The following SORCS1 variants were observed in gnomAD, a reference collection of about 807,000 sequenced individuals.
SORCS1 encodes sortilin related VPS10 domain containing receptor 1, also known as VPS10 domain-containing receptor SorCS1.
SORCS1 carries 60 observed loss-of-function variants against 146.1 expected under a neutral mutation model. That is an observed-to-expected ratio of 0.41 (90% CI 0.33 to 0.51). The LOEUF (loss-of-function observed/expected upper bound fraction) is 0.51. Ranked by LOEUF, SORCS1 falls within the 20% of genes least tolerant of loss-of-function variation. The probability of loss-of-function intolerance (pLI) is 0.21; values close to 1 mark genes in which losing one functional copy is unlikely to be tolerated. For synonymous variants in SORCS1, 637 were observed against 584.0 expected (o/e 1.09, Z -1.31); for missense variants, 1,352 against 1,487.6 (o/e 0.91, Z 1.50).
chr10:106,851,540 C>A (rs956277122), intron 2 of SORCS1, among the ~76,000 whole-genome samples: 1 of 152,206 alleles, frequency 6.6e-6, no homozygotes, highest in African/African-American at 2.4e-5. Flanking sequence ...TCTGGGCTCT[C>A]TACTCTGTTC....
intron 3 of SORCS1, among the ~76,000 whole-genome samples, chr10:106,802,247 T>C (rs1177061878): frequency 6.6e-6 from 1 of 152,134 alleles, no homozygotes; most frequent in Non-Finnish European, 1.5e-5. Flanking sequence ...ATGAGAGTGA[T>C]AAGGTGAGCC....
At chr10:106,874,930 CTGCTTGTTT>C (rs1429659992) in intron 2 of SORCS1, among the ~76,000 whole-genome samples, 7 of 152,080 alleles carry the variant, frequency 4.6e-5, no homozygotes, top group African/African-American at 1.4e-4. Flanking sequence ...TGTGTTTTTT[CTGCTTGTTT>C]TGCTTTGTTT....
chr10:106,979,771 A>G (rs1187090928), intron 1 of SORCS1, among the ~76,000 whole-genome samples: 1 of 152,154 alleles, frequency 6.6e-6, no homozygotes, highest in Admixed American at 6.5e-5. Flanking sequence ...GCTGATTTCA[A>G]TGAATACGCT....
intron 5 of SORCS1, among the ~76,000 whole-genome samples, chr10:106,751,472 C>T (rs1185225481): frequency 1.3e-5 from 2 of 152,156 alleles, no homozygotes; most frequent in African/African-American, 4.8e-5. Context: ...CTGTCAAAAT[C>T]AGCAGTAAAG....
intron 1 of SORCS1, among the ~76,000 whole-genome samples, chr10:106,972,422 G>T (rs1395799272): frequency 6.6e-6 from 1 of 150,954 alleles, no homozygotes; most frequent in Non-Finnish European, 1.5e-5. Context: ...CTTCTAACTG[G>T]ATTATCACTA....
chr10:107,143,839 A>T (rs1011336998), intron 1 of SORCS1, among the ~76,000 whole-genome samples: 1 of 151,406 alleles, frequency 6.6e-6, no homozygotes, highest in Non-Finnish European at 1.5e-5. Flanking sequence ...ATGAGGTTTC[A>T]CCATATTACC....
At chr10:107,096,372 A>T (rs1225395155) in intron 1 of SORCS1, among the ~76,000 whole-genome samples, 1 of 152,218 alleles carries the variant, frequency 6.6e-6, no homozygotes, top group Non-Finnish European at 1.5e-5. Context: ...TATGACTTTC[A>T]ACTTCTTTCA....
At position 106,840,842 on chromosome 10, in the gene SORCS1, TA is replaced by T. The variant is rs201647823; in HGVS notation, c.627-11170del. Among the ~76,000 whole-genome samples, 321 of 122,840 alleles carry T rather than the reference TA, an allele frequency of 2.6e-3. 7 individuals carry two copies. Among genetic ancestry groups the T allele is most frequent in the African/African-American group, 5.2e-3 (152 of 28,966 alleles). The allele number at this position is 122,840 out of a possible 152,430, so 80.6% of individuals were successfully genotyped here. A position where few individuals can be genotyped will look rare whatever the true frequency, so the allele number is the denominator to read the frequency against. ...AATAATTCACATTTTTTAGTTATATTATATATATATATATATATATATTTTT... is the reference window on the plus strand; with the variant it reads ...AATAATTCACATTTTTTAGTTATATTTATATATATATATATATATATTTTT... On this transcript the variant is annotated intron_variant, in intron 2 of 25. Coordinates refer to ENST00000263054, the MANE Select transcript of SORCS1 (RefSeq NM_052918.5).
chr10:106,902,510 A>G (rs1951748882), intron 2 of SORCS1, among the ~76,000 whole-genome samples: 1 of 152,208 alleles, frequency 6.6e-6, no homozygotes, highest in African/African-American at 2.4e-5. Context: ...ATGAGAAAAT[A>G]ATATAGAGAG....
At chr10:107,154,793 T>G (rs1338917604) in intron 1 of SORCS1, among the ~76,000 whole-genome samples, 2 of 152,212 alleles carry the variant, frequency 1.3e-5, no homozygotes, top group East Asian at 1.9e-4. Flanking sequence ...TAACCCTTAT[T>G]GATGATTTAG....
chr10:107,164,762 T>A (rs1969987448), upstream of SORCS1, among the ~76,000 whole-genome samples: 2 of 149,236 alleles, frequency 1.3e-5, no homozygotes, highest in South Asian at 4.2e-4. The surrounding 1 kb of genome is among the most constrained non-coding windows in gnomAD (Gnocchi z 6.8). Flanking sequence ...GGAGCTGAGC[T>A]GAAGTCACTG....
intron 1 of SORCS1, among the ~76,000 whole-genome samples, chr10:107,024,658 AC>A (rs1225602405): frequency 1.3e-5 from 2 of 152,128 alleles, no homozygotes; most frequent in African/African-American, 4.8e-5. Context: ...GCACAAAAGT[AC>A]CTATCACCCA....
chr10:106,600,212 C>G (rs1846157888), intron 23 of SORCS1: 2 of 515,522 alleles, frequency 3.9e-6, no homozygotes, highest in Admixed American at 6.4e-5. Flanking sequence ...AGGAGAGACC[C>G]TTGTGAAAAT....
chr10:106,946,325 T>A (rs1454242888), intron 2 of SORCS1, among the ~76,000 whole-genome samples: 2 of 152,224 alleles, frequency 1.3e-5, no homozygotes, highest in Non-Finnish European at 2.9e-5. Context: ...GTATGTGATA[T>A]GGTTTGGCTG....
chr10:106,751,081 A>AAAAAAAAAAC (rs1858184996), intron 5 of SORCS1, among the ~76,000 whole-genome samples: 1 of 144,404 alleles, frequency 6.9e-6, no homozygotes, highest in Admixed American at 6.8e-5. Context: ...AAAAAAAAAA[A>AAAAAAAAAAC]AAAAAAAAAA....
intron 1 of SORCS1, among the ~76,000 whole-genome samples, chr10:106,983,672 A>C (rs1564886969): frequency 6.6e-6 from 1 of 152,154 alleles, no homozygotes. Flanking sequence ...TTTTGTAGCC[A>C]GGAATAGTAG....
In SORCS1 at chr10:107,147,723, T is replaced by C. The variant is rs185151030; in HGVS notation, c.558+16246A>G. ...ATAAAAAGATTCTATATTGCTTTAG[T>C]GTCCTGAAAAATATGCTTATTGCAA... On this transcript the variant is annotated intron_variant, in intron 1 of 25. Coordinates refer to ENST00000263054, the MANE Select transcript of SORCS1 (RefSeq NM_052918.5). 1.5e-3 allele frequency among the ~76,000 whole-genome samples: 230 copies of C among 152,298 alleles called. 2 individuals carry two copies. Among genetic ancestry groups the C allele is most frequent in the Middle Eastern group, 3.4e-3 (1 of 294 alleles).
At chr10:107,163,765 A>G (rs1056498232) in intron 1 of SORCS1, among the ~76,000 whole-genome samples, 1 of 151,780 alleles carries the variant, frequency 6.6e-6, no homozygotes, top group Non-Finnish European at 1.5e-5. Flanking sequence ...TTTGGAGAGG[A>G]CTCTGATGGT....
intron 22 of SORCS1, among the ~76,000 whole-genome samples, chr10:106,610,924 GA>G (rs1846939367): frequency 1.3e-5 from 2 of 152,026 alleles, no homozygotes; most frequent in Admixed American, 6.6e-5. Context: ...CTTAAAATAC[GA>G]AAAAAATAGC....
Sources: gnomAD v4.1 joint callset for allele counts (sites outside exome capture counted in the v4.1 genomes callset) on GRCh38, gnomAD v4.1.1 for gene constraint, Gnocchi (gnomAD v3.1) non-coding constraint, MANE v1.5 for transcripts, NCBI Gene and HGNC (gene_info 2026-07-23, HGNC 2026-07-21) for gene names.